CDKAL1: variants seen among roughly 807,000 people sequenced by gnomAD.
CDKAL1 encodes CDKAL1 threonylcarbamoyladenosine tRNA methylthiotransferase.
CDKAL1 carries 32 observed loss-of-function variants against 68.2 expected under a neutral mutation model. That is an observed-to-expected ratio of 0.47 (90% CI 0.35 to 0.63). CDKAL1 has a LOEUF of 0.63. Ranked by LOEUF, CDKAL1 falls within the 30% of genes least tolerant of loss-of-function variation. The probability of loss-of-function intolerance (pLI) is 0.00; values close to 1 mark genes in which losing one functional copy is unlikely to be tolerated. For synonymous variants in CDKAL1, 234 were observed against 244.3 expected, an observed-to-expected ratio of 0.96 and a Z score of 0.39; for missense variants, 606 against 696.7, an observed-to-expected ratio of 0.87 and a Z score of 1.47.
chr6:21,084,799 C>T (rs1172111155), intron 12 of CDKAL1, among the ~76,000 whole-genome samples: 1 of 152,178 alleles, frequency 6.6e-6, no homozygotes, highest in African/African-American at 2.4e-5. Context: ...ACTGATATCC[C>T]TGGGGCCGTT....
intron 6 of CDKAL1, 87 bp from the exon 7 acceptor site, chr6:20,758,508 G>C: frequency 9.4e-7 from 1 of 1,062,950 alleles, no homozygotes; most frequent in East Asian, 2.4e-5. Flanking sequence ...CTTAGAAAAT[G>C]TGTAACATTG....
chr6:21,164,324 GC>G (rs1251080746), intron 13 of CDKAL1, among the ~76,000 whole-genome samples: 1 of 151,858 alleles, frequency 6.6e-6, no homozygotes, highest in Non-Finnish European at 1.5e-5. Flanking sequence ...CATTTTACTA[GC>G]ATTTAGAATC....
rs1337987504 is a variant in CDKAL1, at chr6:20,539,156, A to G, written c.-6+3762A>G. 2.0e-5 allele frequency among the ~76,000 whole-genome samples: 3 copies of G among 152,176 alleles called. No homozygotes were observed. The highest frequency in any genetic ancestry group is 4.4e-5 in the Non-Finnish European group (3 of 68,012). Reference sequence around the variant, plus strand: ...TGAGTGAAGAAGTGGGTGGGAAGACATACTTATCTGGGGGCTGATATTCTG... The same window carrying G: ...TGAGTGAAGAAGTGGGTGGGAAGACGTACTTATCTGGGGGCTGATATTCTG... On this transcript the variant is annotated intron_variant, in intron 2 of 15. Transcript: ENST00000274695. This position sits in a 1 kb window ranked among gnomAD's most constrained non-coding sequence, Gnocchi z 4.3.
chr6:20,582,318 A>G (rs1270104407), intron 4 of CDKAL1, among the ~76,000 whole-genome samples: 1 of 152,188 alleles, frequency 6.6e-6, no homozygotes, highest in Non-Finnish European at 1.5e-5. Context: ...CCCAATGAGA[A>G]TATTAAATAA....
At chr6:21,066,199 T>G (rs1383144868) in intron 12 of CDKAL1, among the ~76,000 whole-genome samples, 2 of 152,106 alleles carry the variant, frequency 1.3e-5, no homozygotes, top group Non-Finnish European at 2.9e-5. Context: ...TAAAGTCTGT[T>G]TTTTCCAAAA....
chr6:20,684,329 C>A (rs1391222927), intron 5 of CDKAL1, among the ~76,000 whole-genome samples: 1 of 152,168 alleles, frequency 6.6e-6, no homozygotes, highest in Non-Finnish European at 1.5e-5. Context: ...GTATTCCCAG[C>A]TACTTAGGAG....
intron 5 of CDKAL1, among the ~76,000 whole-genome samples, chr6:20,730,860 A>G (rs866908262): frequency 0.017 from 2,629 of 151,278 alleles, 67 homozygotes; most frequent in African/African-American, 0.059. Context: ...AAAAAAAAAA[A>G]AGAGAGAAGG....
chr6:20,581,543 CAA>C (rs1765144474), intron 4 of CDKAL1, among the ~76,000 whole-genome samples: 1 of 152,144 alleles, frequency 6.6e-6, no homozygotes, highest in South Asian at 2.1e-4. Context: ...TATTTTATCA[CAA>C]GTTTCATTAA....
intron 8 of CDKAL1, among the ~76,000 whole-genome samples, chr6:20,790,255 T>C (rs1775841360): frequency 6.6e-6 from 1 of 152,156 alleles, no homozygotes; most frequent in East Asian, 1.9e-4. Flanking sequence ...ACGGATTGTT[T>C]AGATGAGTTG....
chr6:21,004,253 T>G (rs867278957), intron 11 of CDKAL1, among the ~76,000 whole-genome samples: 13 of 152,314 alleles, frequency 8.5e-5, no homozygotes, highest in African/African-American at 1.9e-4. Flanking sequence ...CAGTTGAAAA[T>G]GGCCCATGTT....
chr6:20,820,071 G>T (rs1777214352), intron 8 of CDKAL1, among the ~76,000 whole-genome samples: 1 of 152,148 alleles, frequency 6.6e-6, no homozygotes, highest in African/African-American at 2.4e-5. Flanking sequence ...AAGGGGGCCA[G>T]TGGATTCCCT....
At chr6:20,900,246 G>A (rs562937511) in intron 9 of CDKAL1, among the ~76,000 whole-genome samples, 11 of 152,156 alleles carry the variant, frequency 7.2e-5, no homozygotes, top group African/African-American at 2.4e-4. Context: ...AAAAAAAAGG[G>A]GGCAAAAAAC....
intron 12 of CDKAL1, among the ~76,000 whole-genome samples, chr6:21,071,336 A>T (rs1771759057): frequency 1.3e-5 from 2 of 151,058 alleles, no homozygotes; most frequent in South Asian, 4.2e-4. Flanking sequence ...TTCCCTCTTG[A>T]CTCTCCTCTC....
rs1271492890 is a variant in CDKAL1, at chr6:21,032,100, G to A, written c.1055+31728G>A. The stretch of plus-strand genomic sequence containing the variant: ...TCTATATACTGACAACCAACCCATG[G>A]ATCTTTGGCTCACTCCAACCAGATT... On this transcript the variant is annotated intron_variant, in intron 11 of 15. Transcript: ENST00000274695. Among the ~76,000 whole-genome samples, 3 of 152,016 alleles carry A rather than the reference G, an allele frequency of 2.0e-5. No individual in the cohort carries two copies. The East Asian group carries it at 5.8e-4, about 29-fold the overall frequency.
chr6:21,093,694 CTTTT>C (rs547923386), intron 12 of CDKAL1, among the ~76,000 whole-genome samples: 5 of 88,072 alleles, frequency 5.7e-5, no homozygotes, highest in African/African-American at 2.3e-4. Context: ...GCTGCTGCTG[CTTTT>C]TTTTTTTTTT....
chr6:20,826,860 T>C (rs1008195040), intron 8 of CDKAL1, among the ~76,000 whole-genome samples: 2 of 152,144 alleles, frequency 1.3e-5, no homozygotes, highest in Admixed American at 6.6e-5. Flanking sequence ...TTTATACTTG[T>C]ATATTGTTCA....
intron 9 of CDKAL1, among the ~76,000 whole-genome samples, chr6:20,929,205 CCT>C (rs1158812235): frequency 6.6e-6 from 1 of 152,194 alleles, no homozygotes; most frequent in African/African-American, 2.4e-5. Context: ...TAGTGGGATA[CCT>C]TTCCTGGGCA....
chr6:21,205,418 A>AT (rs1778866992), intron 15 of CDKAL1, among the ~76,000 whole-genome samples: 1 of 152,202 alleles, frequency 6.6e-6, no homozygotes, highest in Admixed American at 6.5e-5. Flanking sequence ...ATTTCCACCA[A>AT]TAGTGCACAA....
At chr6:21,203,141 C>T (rs1009030092) in intron 15 of CDKAL1, among the ~76,000 whole-genome samples, 1 of 151,002 alleles carries the variant, frequency 6.6e-6, no homozygotes, top group Non-Finnish European at 1.5e-5. Flanking sequence ...ACTCTGCCTC[C>T]TGGGCGCAAG....
Sources: gnomAD v4.1 joint callset for allele counts (sites outside exome capture counted in the v4.1 genomes callset) on GRCh38, gnomAD v4.1.1 for gene constraint, Gnocchi (gnomAD v3.1) non-coding constraint, MANE v1.5 for transcripts, NCBI Gene and HGNC (gene_info 2026-07-23, HGNC 2026-07-21) for gene names.